Variants in ROBO1 observed in about 807,000 individuals in gnomAD.
The protein encoded by ROBO1 is roundabout homolog 1.
In ROBO1, 149 loss-of-function variants were observed where a neutral mutation model predicts 195.9. That is an observed-to-expected ratio of 0.76 (90% CI 0.67 to 0.87). ROBO1 has a LOEUF of 0.87. ROBO1 is among the 40% of genes least tolerant of loss of function. The probability of loss-of-function intolerance (pLI) is 0.00; values close to 1 mark genes in which losing one functional copy is unlikely to be tolerated. For synonymous variants in ROBO1, 816 were observed against 733.2 expected, an observed-to-expected ratio of 1.11 and a Z score of -1.82; for missense variants, 1,933 against 2,068.3, an observed-to-expected ratio of 0.93 and a Z score of 1.27.
At chr3:79,423,926 T>C (rs1005189086) in intron 2 of ROBO1, among the ~76,000 whole-genome samples, 3 of 151,996 alleles carry the variant, frequency 2.0e-5, no homozygotes, top group African/African-American at 4.8e-5. Context: ...CATATTAACA[T>C]ACAGTTATGT....
chr3:78,748,591 A>G (rs2082714783), intron 4 of ROBO1, among the ~76,000 whole-genome samples: 2 of 152,172 alleles, frequency 1.3e-5, no homozygotes, highest in South Asian at 4.1e-4. Context: ...ATGAAGTACT[A>G]CAGTGTAAAA....
intron 2 of ROBO1, among the ~76,000 whole-genome samples, chr3:79,148,890 T>C (rs1430124943): frequency 6.6e-6 from 1 of 151,858 alleles, no homozygotes; most frequent in Non-Finnish European, 1.5e-5. Context: ...AAACATAATT[T>C]TAGAATGCAG....
intron 2 of ROBO1, among the ~76,000 whole-genome samples, chr3:79,528,632 A>G (rs187752869): frequency 3.3e-5 from 5 of 152,322 alleles, no homozygotes; most frequent in Admixed American, 3.3e-4. Flanking sequence ...AACCATGTCA[A>G]AAGTAAGTGT....
chr3:79,523,417 T>C (rs1236381270), intron 2 of ROBO1, among the ~76,000 whole-genome samples: 1 of 151,894 alleles, frequency 6.6e-6, no homozygotes, highest in African/African-American at 2.4e-5. Context: ...AAAAAAATTG[T>C]TCACCAAAAA....
At chr3:79,088,307 G>A (rs918074490) in intron 3 of ROBO1, among the ~76,000 whole-genome samples, 15 of 152,202 alleles carry the variant, frequency 9.9e-5, no homozygotes, top group Admixed American at 5.2e-4. Context: ...GTGATGTAGC[G>A]TTTATGCTAC....
chr3:78,807,048 T>C (rs1215701141), intron 4 of ROBO1, among the ~76,000 whole-genome samples: 2 of 152,086 alleles, frequency 1.3e-5, no homozygotes, highest in African/African-American at 2.4e-5. Flanking sequence ...CCACAAGTGA[T>C]CCACCCACCT....
intron 18 of ROBO1, among the ~76,000 whole-genome samples, chr3:78,654,377 C>T (rs552006336): frequency 2.6e-5 from 4 of 152,308 alleles, no homozygotes; most frequent in African/African-American, 7.2e-5. Flanking sequence ...ACCTGCCTTT[C>T]TCTGTTTGTT....
At chr3:79,532,551 T>C (rs1162196193) in intron 2 of ROBO1, among the ~76,000 whole-genome samples, 5 of 152,170 alleles carry the variant, frequency 3.3e-5, no homozygotes, top group Non-Finnish European at 5.9e-5. Flanking sequence ...GAATCCAGAA[T>C]TTCTCAAACT....
intron 2 of ROBO1, among the ~76,000 whole-genome samples, chr3:79,462,919 G>A (rs1426463427): frequency 6.6e-6 from 1 of 152,158 alleles, no homozygotes; most frequent in Non-Finnish European, 1.5e-5. Flanking sequence ...ATACACTATT[G>A]CTATACTTTA....
At chr3:78,990,641 A>G (rs1482954599) in intron 3 of ROBO1, among the ~76,000 whole-genome samples, 1 of 152,184 alleles carries the variant, frequency 6.6e-6, no homozygotes, top group East Asian at 1.9e-4. Flanking sequence ...AGTTCACTCT[A>G]AAGAGAGTAA....
intron 2 of ROBO1, among the ~76,000 whole-genome samples, chr3:79,355,414 C>G (rs1157647238): frequency 6.6e-6 from 1 of 152,082 alleles, no homozygotes; most frequent in Non-Finnish European, 1.5e-5. Context: ...TCTTTGTTTT[C>G]AGAATATTCA....
At chr3:79,399,627 T>G (rs541106352) in intron 2 of ROBO1, among the ~76,000 whole-genome samples, 26 of 152,156 alleles carry the variant, frequency 1.7e-4, no homozygotes, top group Non-Finnish European at 3.7e-4. Context: ...CCATAATATT[T>G]TAAACTACTT....
At chr3:78,937,823 G>T (rs1397023666) in intron 4 of ROBO1, among the ~76,000 whole-genome samples, 1 of 152,030 alleles carries the variant, frequency 6.6e-6, no homozygotes, top group African/African-American at 2.4e-5. Flanking sequence ...ATACTTTTTT[G>T]ATATAGCTTT....
intron 1 of ROBO1, among the ~76,000 whole-genome samples, chr3:79,633,721 G>A (rs960959634): frequency 4.7e-4 from 19 of 40,092 alleles, no homozygotes; most frequent in African/African-American, 1.6e-3. Context: ...TACTTGAATA[G>A]TGATTTAAAA....
chr3:79,705,395 G>A (rs1167733797), intron 1 of ROBO1, among the ~76,000 whole-genome samples: 1 of 148,908 alleles, frequency 6.7e-6, no homozygotes. Context: ...TTCTCATGGG[G>A]ATGTCCAGTT....
chr3:79,609,947 C>G (rs1054511587), intron 1 of ROBO1, among the ~76,000 whole-genome samples: 1 of 151,720 alleles, frequency 6.6e-6, no homozygotes, highest in Non-Finnish European at 1.5e-5. Flanking sequence ...GAACCACAAC[C>G]TGAATGAATG....
chr3:79,597,154 ATGAC>A (rs1225256220), intron 1 of ROBO1, among the ~76,000 whole-genome samples: 11 of 150,994 alleles, frequency 7.3e-5, no homozygotes, highest in Admixed American at 2.6e-4. Flanking sequence ...TGTGTGTATT[ATGAC>A]TGACTAATCT....
At chr3:79,307,182 T>A (rs1034182809) in intron 2 of ROBO1, among the ~76,000 whole-genome samples, 1 of 152,150 alleles carries the variant, frequency 6.6e-6, no homozygotes, top group Non-Finnish European at 1.5e-5. Flanking sequence ...TCAGCCAGTG[T>A]TATCTGAGCC....
At chr3:79,414,221 C>CCTCTTTCTCTTT (rs141124713) in intron 2 of ROBO1, among the ~76,000 whole-genome samples, 6 of 150,818 alleles carry the variant, frequency 4.0e-5, no homozygotes, top group African/African-American at 7.3e-5. Context: ...CTCTCTCCCT[C>CCTCTTTCTCTTT]CTCTTTCTCT....
Sources: allele counts gnomAD v4.1 joint callset (sites outside exome capture counted in the v4.1 genomes callset), GRCh38; gene constraint gnomAD v4.1.1; transcripts MANE v1.5; gene names NCBI Gene and HGNC (gene_info 2026-07-23, HGNC 2026-07-21).